TCAF1: variants seen among roughly 807,000 people sequenced by gnomAD.
The protein encoded by TCAF1 is TRPM8 channel associated factor 1.
Under a neutral mutation model 27.3 loss-of-function variants are expected in TCAF1, and 4 were observed. That is an observed-to-expected ratio of 0.15 (90% CI 0.07 to 0.34). The LOEUF is 0.34. TCAF1 is among the 10% of genes least tolerant of loss of function. The pLI is 1.00. For synonymous variants in TCAF1, 105 were observed against 167.1 expected (o/e 0.63, Z 2.87); for missense variants, 257 against 425.8 (o/e 0.60, Z 3.49).
intron 1 of TCAF1, chr7:143,885,375 G>A (rs1813347414): frequency 2.0e-6 from 2 of 985,336 alleles, no homozygotes; most frequent in African/African-American, 1.7e-5. Flanking sequence ...ACGGTTGGGG[G>A]TTGGGGCGTC....
chr7:143,888,007 T>G (rs1813490846), intron 1 of TCAF1, among the ~76,000 whole-genome samples: 1 of 152,180 alleles, frequency 6.6e-6, no homozygotes, highest in Non-Finnish European at 1.5e-5. Flanking sequence ...TTAATTAATT[T>G]AGGTGCTGGC....
intron 1 of TCAF1, among the ~76,000 whole-genome samples, chr7:143,877,547 T>C (rs1466679690): frequency 6.6e-6 from 1 of 152,214 alleles, no homozygotes; most frequent in African/African-American, 2.4e-5. Flanking sequence ...AGCATCCTAA[T>C]TGCACCTGGG....
intron 2 of TCAF1, among the ~76,000 whole-genome samples, chr7:143,869,221 C>A (rs1158514544): frequency 6.6e-6 from 1 of 151,300 alleles, no homozygotes; most frequent in African/African-American, 2.4e-5. Context: ...AGGCTGGTCT[C>A]AAATCAAACT....
rs73725421 is a variant in TCAF1, at chr7:143,898,229, T to C, written c.-15+3732A>G. On this transcript the variant is annotated intron_variant, in intron 1 of 8. Coordinates refer to ENST00000479870, the MANE Select transcript of TCAF1 (RefSeq NM_014719.3). The stretch of plus-strand genomic sequence containing the variant: ...GGGGAAGACATTTACAAAGTAACTA[T>C]AGCAAATGTCATTTTTAAGTTGACA... Among the ~76,000 whole-genome samples the C allele has an allele frequency of 9.1e-3, 1,387 of 152,246 alleles. 24 individuals carry two copies. The highest frequency in any genetic ancestry group is 0.031 in the African/African-American group (1,299 of 41,558).
intron 1 of TCAF1, among the ~76,000 whole-genome samples, chr7:143,880,096 A>G (rs990693791): frequency 2.6e-5 from 4 of 152,252 alleles, no homozygotes; most frequent in African/African-American, 9.6e-5. Flanking sequence ...GATAATAGTA[A>G]TAGTTGTAAT....
chr7:143,899,718 A>C (rs1257593246), intron 1 of TCAF1, among the ~76,000 whole-genome samples: 1 of 152,218 alleles, frequency 6.6e-6, no homozygotes, highest in Non-Finnish European at 1.5e-5. Flanking sequence ...GCAAATTGGA[A>C]AGATGTCTGT....
At chr7:143,857,722 CCTCTT>C (rs1356602094) in intron 7 of TCAF1, among the ~76,000 whole-genome samples, 7 of 149,446 alleles carry the variant, frequency 4.7e-5, no homozygotes, top group Non-Finnish European at 8.9e-5. Flanking sequence ...TTGGAAAAAT[CCTCTT>C]CTCAAGAGTT....
At chr7:143,870,236 A>T in intron 2 of TCAF1, among the ~76,000 whole-genome samples, 3 of 138,366 alleles carry the variant, frequency 2.2e-5, no homozygotes, top group South Asian at 2.3e-4. Context: ...CTGCTCTATT[A>T]TTTCCTCGTT....
chr7:143,887,375 T>G (rs1203111938), intron 1 of TCAF1, among the ~76,000 whole-genome samples: 1 of 152,124 alleles, frequency 6.6e-6, no homozygotes, highest in African/African-American at 2.4e-5. Flanking sequence ...AGGGAAAAAA[T>G]TCTATAATTG....
intron 1 of TCAF1, among the ~76,000 whole-genome samples, chr7:143,896,323 A>C (rs909097923): frequency 6.6e-6 from 1 of 151,998 alleles, no homozygotes; most frequent in Non-Finnish European, 1.5e-5. Context: ...TTCACTGATA[A>C]CATAGCCTCA....
intron 1 of TCAF1, among the ~76,000 whole-genome samples, chr7:143,878,524 T>C (rs938232041): frequency 6.6e-6 from 1 of 152,138 alleles, no homozygotes; most frequent in Non-Finnish European, 1.5e-5. Context: ...TTATAGCCAG[T>C]CTCTAAACTA....
In TCAF1 at chr7:143,874,417, C is replaced by T. The variant is rs1198991995; in HGVS notation, c.620+1572G>A. Among the ~76,000 whole-genome samples the T allele has an allele frequency of 4.6e-5, 3 of 65,166 alleles. No individual in the cohort carries two copies. The Middle Eastern group carries it at 0.014, about 305-fold the overall frequency. The allele number at this position is 65,166 out of a possible 152,430, so 42.8% of individuals were successfully genotyped here. ...CCAAGTCTCTTTTGTGTCTAATATC[C>T]CTTCACCATTTTTCAAACTGAAGGG... On this transcript the variant is annotated intron_variant, in intron 2 of 8. Coordinates refer to ENST00000479870, the MANE Select transcript of TCAF1 (RefSeq NM_014719.3).
At chr7:143,885,342 G>T (rs1284285622) in intron 1 of TCAF1, 3 of 985,320 alleles carry the variant, frequency 3.0e-6, no homozygotes, top group Admixed American at 1.2e-4. Flanking sequence ...GAGGCGTGTG[G>T]GGGGAGGTGG....
In TCAF1 at chr7:143,896,783, T is replaced by C. The variant is rs62482924; in HGVS notation, c.-15+5178A>G. On this transcript the variant is annotated intron_variant, in intron 1 of 8. Coordinates refer to ENST00000479870, the MANE Select transcript of TCAF1 (RefSeq NM_014719.3). ...AATAATCATATCAAAACTTGTCAGATGTAGCTAAAAAGTAGTGATAGAAAT... is the reference window on the plus strand; with the variant it reads ...AATAATCATATCAAAACTTGTCAGACGTAGCTAAAAAGTAGTGATAGAAAT... 9.2e-3 allele frequency among the ~76,000 whole-genome samples: 1,403 copies of C among 151,982 alleles called. 10 individuals carry two copies. The highest frequency in any genetic ancestry group is 0.014 in the Non-Finnish European group (949 of 67,882).
In TCAF1 at chr7:143,888,419, A is replaced by G. The variant is rs73725416; in HGVS notation, c.-14-11797T>C. Among the ~76,000 whole-genome samples, 1,398 of 152,338 alleles carry G rather than the reference A, an allele frequency of 9.2e-3. 25 individuals are homozygous for G. Among genetic ancestry groups the G allele is most frequent in the African/African-American group, 0.031 (1,308 of 41,568 alleles). ...AGAATATAATTAAAAATGACATCCC[A>G]GCACAAAGCTCACACACCAAAGGGG... On this transcript the variant is annotated intron_variant, in intron 1 of 8. Coordinates refer to ENST00000479870, the MANE Select transcript of TCAF1 (RefSeq NM_014719.3).
In TCAF1 at chr7:143,851,510, C is replaced by T. The variant is rs1811282702; in HGVS notation, c.*2623G>A. The T allele has an allele frequency of 6.6e-6, 1 of 152,284 alleles. No homozygotes were observed. The highest frequency in any genetic ancestry group is 2.4e-5 in the African/African-American group (1 of 41,462). The allele number at this position is 152,284 out of a possible 1,614,324, so 9.4% of individuals were successfully genotyped here. A position where few individuals can be genotyped will look rare whatever the true frequency, so the allele number is the denominator to read the frequency against. ...CCCTTTTTAAATCTAAATCCCATTC[C>T]CTAGAGGTAATGCTTTTAACAATAT... On this transcript the variant is annotated 3_prime_UTR_variant, in exon 9 of 9. Transcript: ENST00000479870.
chr7:143,882,812 G>C (rs961581169), intron 1 of TCAF1: 1 of 985,626 alleles, frequency 1.0e-6, no homozygotes, highest in East Asian at 1.1e-4. Flanking sequence ...ACAGGGAAGA[G>C]GCTTCCCTGT....
At chr7:143,884,208 T>C (rs1562967746) in intron 1 of TCAF1, among the ~76,000 whole-genome samples, 1 of 152,126 alleles carries the variant, frequency 6.6e-6, no homozygotes, top group East Asian at 1.9e-4. Flanking sequence ...TTCAGGAAAA[T>C]GCATACCTTT....
rs1314782221 is a variant in TCAF1, at chr7:143,852,281, G to A, written c.*1852C>T. 6.6e-6 allele frequency: 1 copy of A among 152,472 alleles called. No homozygotes were observed. The highest frequency in any genetic ancestry group is 6.6e-5 in the Admixed American group (1 of 15,204). The allele number at this position is 152,472 out of a possible 1,614,324, so 9.4% of individuals were successfully genotyped here. A position where few individuals can be genotyped will look rare whatever the true frequency, so the allele number is the denominator to read the frequency against. On this transcript the variant is annotated 3_prime_UTR_variant, in exon 9 of 9. Transcript: ENST00000479870. ...AATGATACTATCTATGGCACTGAATGCACATTCTTCCCAGAAAGCCCGAGA... is the reference window on the plus strand; with the variant it reads ...AATGATACTATCTATGGCACTGAATACACATTCTTCCCAGAAAGCCCGAGA...
Sources: allele counts gnomAD v4.1 joint callset (sites outside exome capture counted in the v4.1 genomes callset), GRCh38; gene constraint gnomAD v4.1.1; transcripts MANE v1.5; gene names NCBI Gene and HGNC (gene_info 2026-07-23, HGNC 2026-07-21).